The following ALG9 variants were observed in gnomAD, a reference collection of about 807,000 sequenced individuals.
ALG9 encodes ALG9 alpha-1,2-mannosyltransferase.
In ALG9, 55 loss-of-function variants were observed where a neutral mutation model predicts 81.8. The ratio of observed to expected loss-of-function variants is 0.67; its 90% CI spans 0.54 to 0.84. The LOEUF (loss-of-function observed/expected upper bound fraction) is 0.84. Ranked by LOEUF, ALG9 falls within the 40% of genes least tolerant of loss-of-function variation. ALG9 has a pLI of 0.00. For missense variants in ALG9, 629 were observed against 745.0 expected, an observed-to-expected ratio of 0.84 and a Z score of 1.81; for synonymous variants, 278 against 274.3, an observed-to-expected ratio of 1.01 and a Z score of -0.13.
At chr11:111,805,367 T>C in intron 14 of ALG9, 1 of 454,980 alleles carries the variant, frequency 2.2e-6, no homozygotes, top group Non-Finnish European at 4.4e-6. Context: ...TGGTCATTTG[T>C]TATAGCAGTC....
chr11:111,819,219 T>C (rs1951953590), intron 13 of ALG9, among the ~76,000 whole-genome samples: 1 of 152,256 alleles, frequency 6.6e-6, no homozygotes, highest in Non-Finnish European at 1.5e-5. Context: ...TGACCTTCTC[T>C]GCTGTCTATC....
At chr11:111,849,303 G>A (rs553551321) in intron 8 of ALG9, among the ~76,000 whole-genome samples, 7 of 152,088 alleles carry the variant, frequency 4.6e-5, no homozygotes, top group South Asian at 2.1e-4. Flanking sequence ...CACTCACCTC[G>A]GCCTCCCAAA....
chr11:111,836,041 A>T (rs960239117), intron 13 of ALG9, 124 bp downstream of exon 13: 1 of 1,302,242 alleles, frequency 7.7e-7, no homozygotes, highest in South Asian at 1.2e-5. Context: ...GAGCCACAGC[A>T]CCCGGCCTTA....
At chr11:111,870,136 A>G in intron 2 of ALG9, 96 bp downstream of exon 2, 1 of 1,277,476 alleles carries the variant, frequency 7.8e-7, no homozygotes, top group Non-Finnish European at 1.1e-6. Context: ...TTATTTTACT[A>G]GGAGTCACAC....
Position 111,782,845 on chromosome 11 carries a change from G to A in ALG9, c.*3552C>T, listed in dbSNP as rs1216231246. On this transcript the variant is annotated 3_prime_UTR_variant, in exon 15 of 15. Coordinates refer to ENST00000616540, the MANE Select transcript of ALG9 (RefSeq NM_024740.2). The stretch of plus-strand genomic sequence containing the variant: ...GGAAAAATGACCCAGATAAATGATT[G>A]GGATAAAGACCCATCATGATTTAAA... The A allele has an allele frequency of 6.6e-6, 1 of 152,150 alleles. No individual in the cohort carries two copies. Among genetic ancestry groups the A allele is most frequent in the Non-Finnish European group, 1.5e-5 (1 of 68,028 alleles). The allele number at this position is 152,150 out of a possible 1,614,324, so 9.4% of individuals were successfully genotyped here. A position where few individuals can be genotyped will look rare whatever the true frequency, so the allele number is the denominator to read the frequency against.
chr11:111,818,384 T>C (rs1221752781), intron 13 of ALG9, among the ~76,000 whole-genome samples: 1 of 152,148 alleles, frequency 6.6e-6, no homozygotes, highest in East Asian at 1.9e-4. Flanking sequence ...CATAATAATC[T>C]TGTGGGACCA....
Position 111,837,672 on chromosome 11 carries a change from T to A in ALG9, c.1325-57A>T, listed in dbSNP as rs4936768. 9,574 of 1,568,184 alleles carry A rather than the reference T, an allele frequency of 6.1e-3. 43 individuals carry two copies. The highest frequency in any genetic ancestry group is 7.1e-3 in the Non-Finnish European group (8,147 of 1,141,382). On this transcript the variant is annotated intron_variant, in intron 11 of 14. Coordinates refer to ENST00000616540, the MANE Select transcript of ALG9 (RefSeq NM_024740.2). ...GATGAGTAAGATGAGATTCTCACTT[T>A]AATTATACTGCTCATTAATGTCGCA... is the stretch of plus-strand genomic sequence containing the variant.
At chr11:111,857,519 A>T in intron 6 of ALG9, 83 bp downstream of exon 6, 1 of 1,576,730 alleles carries the variant, frequency 6.3e-7, no homozygotes, top group Non-Finnish European at 8.7e-7. Flanking sequence ...TTCAGATTCT[A>T]TGCAGACAAT....
intron 13 of ALG9, among the ~76,000 whole-genome samples, chr11:111,822,922 G>C (rs531011322): frequency 1.3e-5 from 2 of 152,066 alleles, no homozygotes; most frequent in African/African-American, 4.8e-5. Context: ...TACTCAGGAG[G>C]CTGAGGCGGG....
intron 8 of ALG9, among the ~76,000 whole-genome samples, chr11:111,846,704 G>A (rs574586735): frequency 2.0e-4 from 30 of 152,200 alleles, no homozygotes; most frequent in Admixed American, 1.0e-3. Flanking sequence ...TAAAAACAAG[G>A]GCAAAAGGGA....
chr11:111,771,655 G>T, the ALG9 span, among the ~76,000 whole-genome samples: 6 of 152,146 alleles, frequency 3.9e-5, no homozygotes, highest in Non-Finnish European at 8.8e-5. Context: ...GGATGACAGG[G>T]GCGGGAAACC....
the ALG9 span, among the ~76,000 whole-genome samples, chr11:111,771,688 C>T: frequency 7.9e-4 from 120 of 152,256 alleles, no homozygotes; most frequent in African/African-American, 2.8e-3. Flanking sequence ...AAGCATTTTC[C>T]AACTGTCTTC....
chr11:111,848,268 A>G (rs1461509773), intron 8 of ALG9, among the ~76,000 whole-genome samples: 1 of 152,214 alleles, frequency 6.6e-6, no homozygotes. Flanking sequence ...ATATCTTTCA[A>G]AATGTACTCC....
At chr11:111,861,414 G>T (rs1160020194) in intron 4 of ALG9, among the ~76,000 whole-genome samples, 1 of 152,160 alleles carries the variant, frequency 6.6e-6, no homozygotes, top group Non-Finnish European at 1.5e-5. Flanking sequence ...ATAAGAATCT[G>T]TTAATGATAA....
chr11:111,819,830 C>T (rs1202623918), intron 13 of ALG9, among the ~76,000 whole-genome samples: 9 of 152,170 alleles, frequency 5.9e-5, no homozygotes, highest in African/African-American at 1.9e-4. Flanking sequence ...GCACAATACA[C>T]CTGGTGCCTG....
At chr11:111,836,585 C>T (rs1229579629) in intron 12 of ALG9, 2 of 388,406 alleles carry the variant, frequency 5.1e-6, no homozygotes, top group East Asian at 6.0e-5. Context: ...TGCTTATTGT[C>T]AATTACTATG....
Position 111,822,541 on chromosome 11 carries a change from G to A in ALG9, c.1603-12768C>T, listed in dbSNP as rs564107759. Among the ~76,000 whole-genome samples the A allele has an allele frequency of 4.0e-5, 6 of 151,782 alleles. No homozygotes were observed. The East Asian group carries it at 5.8e-4, about 15-fold the overall frequency. ...AACCTGGGCAAAATAGTGAGACCTC[G>A]TCTCTACAAAAAATACAAAAATTTA... On this transcript the variant is annotated intron_variant, in intron 13 of 14. Coordinates refer to ENST00000616540, the MANE Select transcript of ALG9 (RefSeq NM_024740.2).
chr11:111,781,599 T>C (rs1529330), downstream of ALG9, among the ~76,000 whole-genome samples: 45,170 of 152,074 alleles, frequency 0.3, 7,628 homozygotes, highest in East Asian at 0.59. Flanking sequence ...TCATCTCTTT[T>C]AGGTACAATG....
chr11:111,789,819 C>CA (rs573026506), intron 14 of ALG9, among the ~76,000 whole-genome samples: 6,987 of 112,732 alleles, frequency 0.062, 199 homozygotes, highest in Non-Finnish European at 0.086. Context: ...GACTCTGTCT[C>CA]AAAAAAAAAA....
Sources: gnomAD v4.1 joint callset for allele counts (sites outside exome capture counted in the v4.1 genomes callset) on GRCh38, gnomAD v4.1.1 for gene constraint, MANE v1.5 for transcripts, NCBI Gene and HGNC (gene_info 2026-07-23, HGNC 2026-07-21) for gene names.